PCM1: variants seen among roughly 807,000 people sequenced by gnomAD.
PCM1 encodes the protein pericentriolar material 1 protein.
A neutral mutation model predicts 241.9 loss-of-function variants in PCM1; 157 were observed. The observed-to-expected ratio is 0.65, with a 90% CI of 0.57 to 0.74. The LOEUF (loss-of-function observed/expected upper bound fraction) is 0.74, where lower values mean the gene tolerates loss of function less well. Among genes scored for constraint, PCM1 ranks in the 30% least tolerant of loss-of-function variants. The probability of loss-of-function intolerance (pLI) is 0.00; values close to 1 mark genes in which losing one functional copy is unlikely to be tolerated. For missense variants in PCM1, 3,478 were observed against 2,360.1 expected (o/e 1.47, Z -9.81); for synonymous variants, 1,085 against 784.9 (o/e 1.38, Z -6.39).
intron 10 of PCM1, 31 bp from the exon 11 acceptor site, chr8:17,956,573 A>G (rs534474642): frequency 3.5e-6 from 5 of 1,417,404 alleles, no homozygotes; most frequent in Non-Finnish European, 4.9e-6. Context: ...AAATGGGTGT[A>G]AATCGTATAC....
chr8:17,961,930 A>C (rs954918975), intron 15 of PCM1, 104 bp from the exon 16 acceptor site: 1 of 874,820 alleles, frequency 1.1e-6, no homozygotes, highest in Admixed American at 3.2e-5. Context: ...TAGCAGATTA[A>C]ATATGGCACT....
chr8:17,956,180 CAT>C (rs2068361570), intron 10 of PCM1, among the ~76,000 whole-genome samples: 1 of 152,134 alleles, frequency 6.6e-6, no homozygotes, highest in Non-Finnish European at 1.5e-5. Context: ...GTATAGATCT[CAT>C]ATGTGCAGAC....
rs115528522 is a variant in PCM1 at position 17,990,523 on chromosome 8, C to G, written c.4531+544C>G. ...TCCCCCTCTCCCATCAGCTGTAAAA[C>G]AAAAGAGGTTTAGAGGGTTGCCTGG... On this transcript the variant is annotated intron_variant, in intron 27 of 38. Coordinates refer to ENST00000325083, the MANE Select transcript of PCM1 (RefSeq NM_006197.4). Among the ~76,000 whole-genome samples the G allele has an allele frequency of 6.2e-3, 899 of 145,576 alleles. 7 individuals carry two copies. Among genetic ancestry groups the G allele is most frequent in the African/African-American group, 0.022 (863 of 39,508 alleles).
At chr8:17,937,881 T>C (rs2129449673) in intron 4 of PCM1, among the ~76,000 whole-genome samples, 1 of 152,294 alleles carries the variant, frequency 6.6e-6, no homozygotes, top group South Asian at 2.1e-4. Flanking sequence ...GACACACACA[T>C]TTCCAAAAAT....
Position 18,014,621 on chromosome 8 carries a change from C to G in PCM1, c.5622C>G (p.Leu1874=), listed in dbSNP as rs771431447. The part of the protein sequence containing the change: ...QNNCPVKPCY[L]NILEDEQPLN... ...ACTGTCCTGTGAAACCCTGTTACCT[C>G]AATATCTTGGAAGATGAGCAACCTT... Residue 1874 remains leucine, a synonymous_variant, in exon 36 of 39, where the codon CTC becomes CTG. Transcript: ENST00000325083. The G allele has an allele frequency of 6.8e-6, 11 of 1,612,738 alleles. No individual in the cohort carries two copies. The highest frequency in any genetic ancestry group is 9.3e-6 in the Non-Finnish European group (11 of 1,178,998).
At chr8:17,960,632 C>G (rs1157721450) in intron 15 of PCM1, among the ~76,000 whole-genome samples, 188 bp downstream of exon 15, 2 of 146,384 alleles carry the variant, frequency 1.4e-5, no homozygotes, top group African/African-American at 2.5e-5. Context: ...TCACGCCATT[C>G]TTCTGCCTCA....
At chr8:17,964,900 T>C in intron 18 of PCM1, 132 bp downstream of exon 18, 2 of 664,612 alleles carry the variant, frequency 3.0e-6, no homozygotes, top group South Asian at 1.8e-5. Context: ...CACTAACTAC[T>C]CAGAGTTAGT....
At chr8:17,965,362 A>G (rs1052292816) in intron 18 of PCM1, among the ~76,000 whole-genome samples, 1 of 152,208 alleles carries the variant, frequency 6.6e-6, no homozygotes, top group Admixed American at 6.5e-5. Context: ...ATCTGGTTGA[A>G]AGGGGCTTGT....
rs1164976898 is a variant in PCM1 at position 17,972,486 on chromosome 8, G to A, written c.3742G>A (p.Gly1248Arg). The A allele has an allele frequency of 1.1e-5, 18 of 1,613,842 alleles. No individual in the cohort carries two copies. The highest frequency in any genetic ancestry group is 1.4e-5 in the Non-Finnish European group (16 of 1,179,800). Reference sequence around the variant, plus strand: ...CCGCAAAAATCAATTAGATACAAACGGAAGAAGACGCCAGTTTGATGAAGA... The same window carrying A: ...CCGCAAAAATCAATTAGATACAAACAGAAGAAGACGCCAGTTTGATGAAGA... Reference protein sequence around the residue: ...SNRKNQLDTNGRRRQFDEESL... With the variant: ...SNRKNQLDTNRRRRQFDEESL... Residue 1248 changes from glycine (G) to arginine (R), a missense_variant, in exon 23 of 39, where the codon GGA (glycine) becomes AGA (arginine). Transcript: ENST00000325083.
chr8:17,997,104 G>A (rs953599790), intron 29 of PCM1, among the ~76,000 whole-genome samples: 1 of 151,734 alleles, frequency 6.6e-6, no homozygotes, highest in African/African-American at 2.4e-5. Context: ...AAATCCCTCA[G>A]CTTTTGTCTG....
At chr8:17,956,835 A>ATG in intron 11 of PCM1, 58 bp downstream of exon 11, 9 of 1,279,544 alleles carry the variant, frequency 7.0e-6, no homozygotes, top group Non-Finnish European at 8.9e-6. Flanking sequence ...GATACTTATA[A>ATG]TGTGGGAACA....
In PCM1 at chr8:17,972,580, C is replaced by G. The variant is rs142207935; in HGVS notation, c.3836C>G (p.Thr1279Arg). The G allele has an allele frequency of 1.5e-5, 25 of 1,613,570 alleles. No individual in the cohort carries two copies. In the African/African-American group the frequency reaches 2.3e-4, roughly 15 times the overall value. The stretch of plus-strand genomic sequence containing the variant: ...ACAACAGTGACTAAAACATTCAAGA[C>G]AAGAAAAGCGTCTGCACAGGCCAGC... ...DPTTVTKTFK[T>R]RKASAQASLA... Residue 1279 changes from threonine (T) to arginine (R), a missense_variant, in exon 23 of 39, where the codon ACA (threonine) becomes AGA (arginine). Thr to Arg is a moderately conservative substitution (Grantham distance 71, BLOSUM62 -1). Coordinates refer to ENST00000325083, the MANE Select transcript of PCM1 (RefSeq NM_006197.4).
chr8:18,026,185 AAAAAAAAAAAAAAAAAT>A, intron 38 of PCM1, among the ~76,000 whole-genome samples: 1 of 149,210 alleles, frequency 6.7e-6, no homozygotes, highest in Non-Finnish European at 1.5e-5. Context: ...AAAAAAAAAA[AAAAAAAAAAAAAAAAAT>A]GTAGACATGC....
At position 17,956,650 on chromosome 8, in the gene PCM1, G is replaced by T; in HGVS notation, c.1519G>T (p.Val507Phe). 6.2e-7 allele frequency: 1 copy of T among 1,602,650 alleles called. No individual in the cohort carries two copies. Among genetic ancestry groups the T allele is most frequent in the Non-Finnish European group, 8.5e-7 (1 of 1,172,894 alleles). ...GAGATTGAATGAGCTAAGAGAATTAGTTCATTATTATGAACAAACGTCAGA... is the reference window on the plus strand; with the variant it reads ...GAGATTGAATGAGCTAAGAGAATTATTTCATTATTATGAACAAACGTCAGA... ...RKRLNELRELVHYYEQTSDMM... is the reference protein window; with the variant it reads ...RKRLNELRELFHYYEQTSDMM... Residue 507 changes from valine (V) to phenylalanine (F), a missense_variant, in exon 11 of 39, where the codon GTT (valine) becomes TTT (phenylalanine). Coordinates refer to ENST00000325083, the MANE Select transcript of PCM1 (RefSeq NM_006197.4).
At chr8:18,006,517 C>T (rs570923601) in intron 30 of PCM1, 120 bp downstream of exon 30, 16 of 640,352 alleles carry the variant, frequency 2.5e-5, no homozygotes, top group South Asian at 9.1e-5. Flanking sequence ...TCCAATCTAG[C>T]GTCCATTTGG....
chr8:17,967,841 A>G (rs572289848), intron 21 of PCM1, among the ~76,000 whole-genome samples: 1 of 152,290 alleles, frequency 6.6e-6, no homozygotes, highest in South Asian at 2.1e-4. Flanking sequence ...AGGAGAGCAC[A>G]TTTAGCTTAA....
rs373702702 is a variant in PCM1 at position 17,947,203 on chromosome 8, G to C, written c.801G>C (p.Gln267His). 17 of 1,603,952 alleles carry C rather than the reference G, an allele frequency of 1.1e-5. No homozygotes were observed. In the African/African-American group the frequency reaches 2.1e-4, roughly 20 times the overall value. Residue 267 changes from glutamine (Q) to histidine (H), a missense_variant, in exon 7 of 39, where the codon CAG becomes CAC. Physicochemically the swap from Gln to His is conservative, Grantham distance 24. Coordinates refer to ENST00000325083, the MANE Select transcript of PCM1 (RefSeq NM_006197.4). ...TTTTCCAGGCCAGAGATCCTCAGCA[G>C]GAGCCTATGGAAGAGATAGAAAATT... ...LKKILARDPQ[Q>H]EPMEEIENLK...
In PCM1 at chr8:17,969,625, A is replaced by G. The variant is rs781150097; in HGVS notation, c.3461A>G (p.Gln1154Arg). 1 of 1,611,534 alleles carries G rather than the reference A, an allele frequency of 6.2e-7. No homozygotes were observed. Among genetic ancestry groups the G allele is most frequent in the East Asian group, 2.2e-5 (1 of 44,786 alleles). Residue 1154 changes from glutamine to arginine, a missense_variant, in exon 22 of 39, where the codon CAG (glutamine) becomes CGG (arginine). By Grantham distance (43) the Gln-to-Arg change is conservative. Transcript: ENST00000325083. ...CCTTCTAATTTTGGAGATTTTTCTC[A>G]GAATATCTCTACACCCAGTGAACAG... ...LFPSNFGDFS[Q>R]NISTPSEQQQ... is the part of the protein sequence containing the mutation.
rs201850935 is a variant in PCM1, at chr8:17,957,598, T to G, written c.1863T>G (p.Asp621Glu). The G allele has an allele frequency of 1.0e-4, 165 of 1,573,506 alleles. No individual in the cohort carries two copies. Among genetic ancestry groups the G allele is most frequent in the South Asian group, 8.3e-4 (72 of 87,224 alleles). ...QEIHVAQGEDDEEEEEEAEEE... is the reference protein window; with the variant it reads ...QEIHVAQGEDEEEEEEEAEEE... ...TTCATGTTGCACAAGGTGAAGATGATGAGGAGGAGGAGGAAGAAGCAGAAG... is the reference window on the plus strand; with the variant it reads ...TTCATGTTGCACAAGGTGAAGATGAGGAGGAGGAGGAGGAAGAAGCAGAAG... The change falls in exon 13 of 39, where the codon GAT becomes GAG. Residue 621 changes from aspartate to glutamate, a missense_variant. Transcript: ENST00000325083.
Sources: gnomAD v4.1 joint callset for allele counts (sites outside exome capture counted in the v4.1 genomes callset) on GRCh38, gnomAD v4.1.1 for gene constraint, MANE v1.5 for transcripts, NCBI Gene and HGNC (gene_info 2026-07-23, HGNC 2026-07-21) for gene names.